HADH: variants seen among roughly 807,000 people sequenced by gnomAD.
The protein encoded by HADH is hydroxyacyl-CoA dehydrogenase.
HADH carries 24 observed loss-of-function variants against 32.2 expected under a neutral mutation model. The observed-to-expected ratio is 0.75, with a 90% CI of 0.54 to 1.05. The LOEUF is 1.05. HADH is among the 50% of genes least tolerant of loss of function. The pLI, the probability that HADH is intolerant of heterozygous loss-of-function variation, is 0.00. For missense variants in HADH, 350 were observed against 397.1 expected (o/e 0.88, Z 1.01); for synonymous variants, 139 against 152.5 (o/e 0.91, Z 0.65).
intron 6 of HADH, chr4:108,029,336 G>T (rs777690356): frequency 5.1e-5 from 8 of 156,732 alleles, no homozygotes; most frequent in Admixed American, 2.6e-4. Context: ...TGTCATGCCT[G>T]TTCCACCTCT....
chr4:107,994,090 G>A (rs546642492), intron 1 of HADH, among the ~76,000 whole-genome samples: 10 of 152,108 alleles, frequency 6.6e-5, no homozygotes, highest in Admixed American at 2.0e-4. Context: ...CCCTGGGAAC[G>A]GGGCACTTCA....
At chr4:107,998,671 T>C (rs192451622) in intron 1 of HADH, among the ~76,000 whole-genome samples, 16 of 152,262 alleles carry the variant, frequency 1.1e-4, no homozygotes, top group African/African-American at 3.8e-4. Flanking sequence ...GCTACTGGCC[T>C]TGTGGTGGTG....
At chr4:108,027,667 T>G in intron 5 of HADH, 21 bp from the exon 6 acceptor site, 1 of 1,543,534 alleles carries the variant, frequency 6.5e-7, no homozygotes, top group Admixed American at 1.7e-5. Context: ...TAGTTTTTTG[T>G]TTTTCTGTCT....
At chr4:108,030,142 C>T (rs1332497962) in intron 6 of HADH, 1 of 152,326 alleles carries the variant, frequency 6.6e-6, no homozygotes, top group Non-Finnish European at 1.5e-5. Flanking sequence ...CTCAGTGGTT[C>T]TCTGGTTTCC....
At chr4:108,020,003 T>C (rs1735830112) in intron 4 of HADH, among the ~76,000 whole-genome samples, 1 of 152,154 alleles carries the variant, frequency 6.6e-6, no homozygotes. Context: ...CAGCTACATG[T>C]GTTCATATTA....
rs548886726 is a variant in HADH at position 108,010,564 on chromosome 4, G to A, written c.261+677G>A. 9.9e-5 allele frequency among the ~76,000 whole-genome samples: 15 copies of A among 152,226 alleles called. No individual in the cohort carries two copies. The South Asian group carries it at 1.7e-3, about 17-fold the overall frequency. On this transcript the variant is annotated intron_variant, in intron 2 of 7. Coordinates refer to ENST00000309522, the MANE Select transcript of HADH (RefSeq NM_005327.7). The stretch of plus-strand genomic sequence containing the variant: ...CCTTGGGGCTTGGATAGAATTTCTC[G>A]CTGTATGCAGCCAGAGAAAAGTACA...
chr4:107,992,322 A>G (rs1578240084), intron 1 of HADH, among the ~76,000 whole-genome samples: 1 of 152,276 alleles, frequency 6.6e-6, no homozygotes. Flanking sequence ...TATGTAACAC[A>G]GTTTGGAAAA....
chr4:108,030,499 A>G (rs924297280), intron 6 of HADH: 2 of 152,392 alleles, frequency 1.3e-5, no homozygotes, highest in African/African-American at 4.8e-5. Context: ...GTTGTTGCTA[A>G]GTGCCTCTGT....
intron 1 of HADH, among the ~76,000 whole-genome samples, chr4:108,007,221 C>G (rs558637337): frequency 1.3e-5 from 2 of 152,308 alleles, no homozygotes; most frequent in South Asian, 2.1e-4. Context: ...ATTCTCCTGC[C>G]TCAGCCTCCC....
chr4:108,032,811 A>G (rs1736320687), intron 6 of HADH: 5 of 338,454 alleles, frequency 1.5e-5, no homozygotes, highest in Non-Finnish European at 2.8e-5. Flanking sequence ...GTGAAACCCT[A>G]TCTCTACTAA....
chr4:108,027,968 GAA>G (rs1193992659), intron 6 of HADH: 9 of 613,956 alleles, frequency 1.5e-5, no homozygotes, highest in Middle Eastern at 4.3e-4. Context: ...GGGCCTCTGA[GAA>G]AGGTTTCTGG....
intron 2 of HADH, among the ~76,000 whole-genome samples, chr4:108,014,179 T>TG (rs1735610533): frequency 6.6e-6 from 1 of 152,242 alleles, no homozygotes; most frequent in African/African-American, 2.4e-5. Flanking sequence ...CCCTGGCTCT[T>TG]GCCCTTGCTC....
At chr4:108,013,600 C>G (rs1735581555) in intron 2 of HADH, among the ~76,000 whole-genome samples, 1 of 152,090 alleles carries the variant, frequency 6.6e-6, no homozygotes, top group Non-Finnish European at 1.5e-5. Flanking sequence ...TAGCTCTATA[C>G]TGACCACCAA....
intron 6 of HADH, chr4:108,031,316 G>A (rs1328080051): frequency 6.6e-6 from 1 of 152,328 alleles, no homozygotes; most frequent in Non-Finnish European, 1.5e-5. Context: ...CTGAGCAGAG[G>A]CCTGGAGGAA....
intron 1 of HADH, among the ~76,000 whole-genome samples, chr4:108,002,918 C>T (rs527918682): frequency 3.9e-5 from 6 of 152,294 alleles, no homozygotes; most frequent in African/African-American, 1.4e-4. Context: ...AAGCTTTGTG[C>T]ACCTTCACAT....
rs564906960 is a variant in HADH at position 108,014,312 on chromosome 4, G to A, written c.262-119G>A. ...TTCGTGGACACTTTGAGAACAGATA[G>A]GGTAGGCCAATACAGGTGCTCTGAA... On this transcript the variant is annotated intron_variant, in intron 2 of 7. Transcript: ENST00000309522. The A allele has an allele frequency of 4.9e-6, 5 of 1,023,658 alleles. No individual in the cohort carries two copies. In the South Asian group the frequency reaches 5.2e-5, roughly 11 times the overall value. The allele number at this position is 1,023,658 out of a possible 1,614,324, so 63.4% of individuals were successfully genotyped here.
chr4:108,019,593 A>G lies in HADH; in HGVS notation c.473A>G (p.Asn158Ser). ...TCCTTGCAGATTACAAGCATAGCTA[A>G]TGCCACCACCAGACAAGACCGATTC... ...TSSLQITSIA[N>S]ATTRQDRFAG... Residue 158 changes from asparagine (N) to serine (S), a missense_variant, in exon 4 of 8, where the codon AAT becomes AGT. By Grantham distance (46) the Asn-to-Ser change is conservative. Transcript: ENST00000309522. 2 of 1,614,106 alleles carry G rather than the reference A, an allele frequency of 1.2e-6. No individual in the cohort carries two copies. The highest frequency in any genetic ancestry group is 1.1e-5 in the South Asian group (1 of 91,082).
Position 108,021,447 on chromosome 4 carries a change from G to A in HADH, c.546+1781G>A, listed in dbSNP as rs189251456. ...TTGTTTAACTTTAGCTCTTCCTTGT[G>A]TTGCTGGTGGTGTACACCAAAATAA... is the stretch of plus-strand genomic sequence containing the variant. On this transcript the variant is annotated intron_variant, in intron 4 of 7. Transcript: ENST00000309522. Among the ~76,000 whole-genome samples the A allele has an allele frequency of 2.1e-3, 320 of 152,276 alleles. 1 individual carries two copies. The highest frequency in any genetic ancestry group is 7.3e-3 in the African/African-American group (305 of 41,550).
Position 108,022,018 on chromosome 4 carries a change from C to T in HADH, c.547-1456C>T, listed in dbSNP as rs180751614. On this transcript the variant is annotated intron_variant, in intron 4 of 7. Transcript: ENST00000309522. ...TAGCTCATTAGTTCACCGAGTCAGA[C>T]GGCCCTCTTGCACAGGGAAGACATG... Among the ~76,000 whole-genome samples the T allele has an allele frequency of 4.1e-3, 621 of 152,314 alleles. 1 individual carries two copies. The highest frequency in any genetic ancestry group is 7.8e-3 in the Admixed American group (119 of 15,308).
Sources: gnomAD v4.1 joint callset for allele counts (sites outside exome capture counted in the v4.1 genomes callset) on GRCh38, gnomAD v4.1.1 for gene constraint, MANE v1.5 for transcripts, NCBI Gene and HGNC (gene_info 2026-07-23, HGNC 2026-07-21) for gene names.